The following TENM1 variants were observed in gnomAD, a reference collection of about 807,000 sequenced individuals.
The protein encoded by TENM1 is teneurin-1.
TENM1 carries 35 observed loss-of-function variants against 174.8 expected under a neutral mutation model. The observed-to-expected ratio is 0.20, with a 90% CI of 0.15 to 0.27. The LOEUF (loss-of-function observed/expected upper bound fraction) is 0.27. Among genes scored for constraint, TENM1 ranks in the 10% least tolerant of loss-of-function variants. TENM1 has a pLI of 1.00. For missense variants in TENM1, 1,633 were observed against 2,130.1 expected, an observed-to-expected ratio of 0.77 and a Z score of 4.59; for synonymous variants, 781 against 798.7, an observed-to-expected ratio of 0.98 and a Z score of 0.37.
intron 1 of TENM1, among the ~76,000 whole-genome samples, chrX:124,921,356 A>G (rs770060972): frequency 1.8e-5 from 2 of 109,346 alleles, no homozygotes; most frequent in Non-Finnish European, 3.8e-5. Flanking sequence ...ACCCATAAAA[A>G]TATATACAAA....
chrX:124,866,167 G>A (rs2147459044), intron 3 of TENM1, among the ~76,000 whole-genome samples: 1 of 111,896 alleles, frequency 8.9e-6, no homozygotes, highest in South Asian at 3.7e-4. Flanking sequence ...GGATGTAATA[G>A]ATATTTACAG....
the TENM1 span, among the ~76,000 whole-genome samples, chrX:124,988,831 T>A: frequency 1.8e-5 from 2 of 111,171 alleles, no homozygotes; most frequent in African/African-American, 6.5e-5. Context: ...CAGAAAAACA[T>A]TTGACAAAAT....
At chrX:124,648,636 A>C (rs191757780) in intron 8 of TENM1, among the ~76,000 whole-genome samples, 1 of 112,341 alleles carries the variant, frequency 8.9e-6, no homozygotes, top group East Asian at 2.8e-4. Flanking sequence ...GAGATGGAAC[A>C]ATTATTTATC....
chrX:125,157,352 C>A, the TENM1 span, among the ~76,000 whole-genome samples: 1 of 112,018 alleles, frequency 8.9e-6, no homozygotes, highest in Non-Finnish European at 1.9e-5. Flanking sequence ...ATTGATGTGT[C>A]AATCACCCCA....
chrX:124,415,055 C>G (rs1036937508), intron 25 of TENM1, among the ~76,000 whole-genome samples: 4 of 112,088 alleles, frequency 3.6e-5, no homozygotes, highest in African/African-American at 1.3e-4. Flanking sequence ...TGCTCTGACC[C>G]TGACTAGAAG....
At chrX:124,528,914 C>G in intron 16 of TENM1, among the ~76,000 whole-genome samples, 2 of 111,492 alleles carry the variant, frequency 1.8e-5, no homozygotes, top group Admixed American at 1.9e-4. Flanking sequence ...TTGACAGGCT[C>G]TTGGAAAAAT....
the TENM1 span, among the ~76,000 whole-genome samples, chrX:125,012,580 A>T: frequency 5.4e-5 from 6 of 111,965 alleles, no homozygotes; most frequent in Non-Finnish European, 7.5e-5. Context: ...GTTTCTAATA[A>T]CTAAAGTGTT....
chrX:124,640,395 T>C (rs938779801), intron 11 of TENM1, among the ~76,000 whole-genome samples: 2 of 111,586 alleles, frequency 1.8e-5, no homozygotes, highest in Admixed American at 1.9e-4. Context: ...GCTCATGAGC[T>C]AATCCAGTGG....
At chrX:125,029,886 A>G in the TENM1 span, among the ~76,000 whole-genome samples, 1 of 111,979 alleles carries the variant, frequency 8.9e-6, no homozygotes, top group Non-Finnish European at 1.9e-5. Flanking sequence ...CAAAGCTACC[A>G]AGTAGGGAAA....
intron 1 of TENM1, among the ~76,000 whole-genome samples, chrX:124,899,139 G>A (rs1370569727): frequency 9.0e-6 from 1 of 111,287 alleles, no homozygotes; most frequent in Non-Finnish European, 1.9e-5. Context: ...CCCAAAAGAT[G>A]CATTATCTAT....
the TENM1 span, among the ~76,000 whole-genome samples, chrX:125,069,613 C>G: frequency 3.6e-5 from 4 of 110,044 alleles, no homozygotes; most frequent in Non-Finnish European, 7.6e-5. Context: ...GCTGGGAATA[C>G]AGGGGAGGGA....
At chrX:124,885,252 T>C (rs780119483) in intron 3 of TENM1, among the ~76,000 whole-genome samples, 1 of 110,132 alleles carries the variant, frequency 9.1e-6, no homozygotes, top group East Asian at 2.8e-4. Flanking sequence ...ACTATCATGC[T>C]TTACTAATGG....
At chrX:124,912,724 T>C (rs761013067) in intron 1 of TENM1, among the ~76,000 whole-genome samples, 1 of 112,276 alleles carries the variant, frequency 8.9e-6, no homozygotes, top group African/African-American at 3.2e-5. Flanking sequence ...GTATTTGCTC[T>C]GAAAATTCCA....
Position 124,695,915 on chromosome X carries a change from T to G in TENM1, c.1015+9098A>C, listed in dbSNP as rs189162459. ...TATATGATGGCTAACCCAAGTTATA[T>G]AATGGCAGAATTTGTTCAGAGAAAC... is the stretch of plus-strand genomic sequence containing the variant. On this transcript the variant is annotated intron_variant, in intron 5 of 31. Transcript: ENST00000422452. Among the ~76,000 whole-genome samples, 265 of 112,091 alleles carry G rather than the reference T, an allele frequency of 2.4e-3. 1 individual carries two copies. Among genetic ancestry groups the G allele is most frequent in the African/African-American group, 8.1e-3 (252 of 30,986 alleles).
chrX:124,966,593 C>T (rs1207278030), upstream of TENM1, among the ~76,000 whole-genome samples: 1 of 104,087 alleles, frequency 9.6e-6, no homozygotes, highest in Non-Finnish European at 1.9e-5. Flanking sequence ...ACCTGGGAGG[C>T]GGAGCTTGCA....
chrX:124,477,934 T>A (rs1197076010), intron 22 of TENM1, among the ~76,000 whole-genome samples: 4 of 100,896 alleles, frequency 4.0e-5, no homozygotes, highest in Non-Finnish European at 5.7e-5. Context: ...TCTTAACCTG[T>A]CTGATTCTCT....
chrX:124,406,805 G>A (rs1014616260), intron 25 of TENM1, among the ~76,000 whole-genome samples: 8 of 111,320 alleles, frequency 7.2e-5, no homozygotes, highest in African/African-American at 2.6e-4. Flanking sequence ...GGAGGCCTCC[G>A]TTTGCGATTT....
At chrX:124,844,131 G>A (rs1006780315) in intron 3 of TENM1, among the ~76,000 whole-genome samples, 1 of 111,274 alleles carries the variant, frequency 9.0e-6, no homozygotes, top group African/African-American at 3.3e-5. Flanking sequence ...GTGTGGAATC[G>A]TTAGTTAGAT....
chrX:125,096,112 G>T, the TENM1 span, among the ~76,000 whole-genome samples: 2 of 111,914 alleles, frequency 1.8e-5, no homozygotes, highest in Non-Finnish European at 3.8e-5. Context: ...GTATGCTTAT[G>T]ACATCAGTGA....
Sources: allele counts gnomAD v4.1 joint callset (sites outside exome capture counted in the v4.1 genomes callset), GRCh38; gene constraint gnomAD v4.1.1; transcripts MANE v1.5; gene names NCBI Gene and HGNC (gene_info 2026-07-23, HGNC 2026-07-21).